Variants in NAV3 observed in about 807,000 individuals in gnomAD.
NAV3 encodes neuron navigator 3.
NAV3 carries 87 observed loss-of-function variants against 244.7 expected under a neutral mutation model. The observed-to-expected ratio is 0.36, with a 90% CI of 0.30 to 0.42. The LOEUF (loss-of-function observed/expected upper bound fraction) is 0.42, where lower values mean the gene tolerates loss of function less well. Ranked by LOEUF, NAV3 falls within the 20% of genes least tolerant of loss-of-function variation. NAV3 has a pLI of 1.00. For synonymous variants in NAV3, 1,126 were observed against 1,042.2 expected, an observed-to-expected ratio of 1.08 and a Z score of -1.55; for missense variants, 2,663 against 2,893.3, an observed-to-expected ratio of 0.92 and a Z score of 1.83.
intron 2 of NAV3, among the ~76,000 whole-genome samples, chr12:77,811,904 A>T (rs1320603595): frequency 1.3e-5 from 2 of 152,242 alleles, no homozygotes; most frequent in Admixed American, 6.5e-5. Context: ...AACTCAAACT[A>T]GTTCCCATTT....
chr12:77,636,996 G>A (rs762858230), intron 2 of NAV3, among the ~76,000 whole-genome samples: 3 of 151,958 alleles, frequency 2.0e-5, no homozygotes, highest in African/African-American at 2.4e-5. Context: ...GTTGGGGGGT[G>A]GGGTCTTAGG....
At chr12:77,740,340 C>T (rs1053146337) in intron 2 of NAV3, among the ~76,000 whole-genome samples, 7 of 151,720 alleles carry the variant, frequency 4.6e-5, no homozygotes, top group Admixed American at 2.6e-4. Context: ...TAGAAACAGC[C>T]ATCTAGAAAG....
At chr12:77,752,252 T>G (rs1868894971) in intron 2 of NAV3, among the ~76,000 whole-genome samples, 1 of 152,152 alleles carries the variant, frequency 6.6e-6, no homozygotes, top group Non-Finnish European at 1.5e-5. Context: ...CTGTCTTTGG[T>G]GTAAAACATA....
chr12:77,983,011 T>C (rs1869841260), intron 5 of NAV3, among the ~76,000 whole-genome samples: 1 of 152,170 alleles, frequency 6.6e-6, no homozygotes, highest in Admixed American at 6.5e-5. Flanking sequence ...GGAAGGATGA[T>C]CAATGAATTT....
chr12:77,859,758 C>CAAAAAAAAAAAAAAAAAAAAAA, intron 1 of NAV3, among the ~76,000 whole-genome samples: 1 of 68,722 alleles, frequency 1.5e-5, no homozygotes, highest in Non-Finnish European at 2.7e-5. Context: ...CTTTCAAATG[C>CAAAAAAAAAAAAAAAAAAAAAA]AAAAAAAAAA....
At chr12:78,051,270 G>A in intron 11 of NAV3, 123 bp downstream of exon 11, 2 of 1,109,416 alleles carry the variant, frequency 1.8e-6, no homozygotes, top group Non-Finnish European at 2.5e-6. Context: ...AGATATCTGA[G>A]GTTATTCAGA....
chr12:78,201,862 C>A (rs1025969261), intron 38 of NAV3, among the ~76,000 whole-genome samples: 2 of 151,850 alleles, frequency 1.3e-5, no homozygotes, highest in Admixed American at 6.6e-5. Context: ...AAAAAATTGT[C>A]CATCTATTTT....
intron 1 of NAV3, among the ~76,000 whole-genome samples, chr12:77,894,437 C>A (rs1158952972): frequency 1.3e-5 from 2 of 151,966 alleles, no homozygotes; most frequent in African/African-American, 4.8e-5. Flanking sequence ...GCAAAATAAG[C>A]CAGAAATCTG....
intron 2 of NAV3, among the ~76,000 whole-genome samples, chr12:77,795,914 A>G (rs1871386142): frequency 6.6e-6 from 1 of 152,194 alleles, no homozygotes; most frequent in African/African-American, 2.4e-5. Flanking sequence ...TTGGAAAGAA[A>G]AGAACATTTT....
chr12:77,620,113 C>T (rs1871309598), intron 2 of NAV3, among the ~76,000 whole-genome samples: 1 of 152,148 alleles, frequency 6.6e-6, no homozygotes, highest in Admixed American at 6.5e-5. Flanking sequence ...GGAAAGACTA[C>T]AAATGATGTA....
intron 1 of NAV3, among the ~76,000 whole-genome samples, chr12:77,925,511 C>G (rs1454955915): frequency 7.3e-6 from 1 of 136,680 alleles, no homozygotes; most frequent in African/African-American, 2.8e-5. Flanking sequence ...TGGTGCATTA[C>G]AAATGAAAGG....
chr12:78,179,884 T>C (rs764656892), intron 29 of NAV3, among the ~76,000 whole-genome samples: 1 of 152,136 alleles, frequency 6.6e-6, no homozygotes, highest in Non-Finnish European at 1.5e-5. Context: ...GAGTGCAAAC[T>C]GGCAAGTTGT....
At chr12:77,679,788 A>G (rs1420253064) in intron 2 of NAV3, among the ~76,000 whole-genome samples, 2 of 152,186 alleles carry the variant, frequency 1.3e-5, no homozygotes, top group Admixed American at 6.5e-5. Flanking sequence ...AAGAGCGATC[A>G]ACAGTGTCAA....
At chr12:77,875,997 C>T (rs1013894834) in intron 1 of NAV3, among the ~76,000 whole-genome samples, 2 of 151,862 alleles carry the variant, frequency 1.3e-5, no homozygotes, top group African/African-American at 2.4e-5. Context: ...TAGAATGACA[C>T]TGAAATTTGT....
chr12:78,111,733 T>A (rs967280583), intron 12 of NAV3, among the ~76,000 whole-genome samples: 27 of 152,096 alleles, frequency 1.8e-4, no homozygotes, highest in South Asian at 4.2e-4. Flanking sequence ...TTGGAAAAAA[T>A]TTTTTCCAGT....
intron 12 of NAV3, among the ~76,000 whole-genome samples, chr12:78,081,799 G>A (rs893500568): frequency 3.3e-5 from 5 of 152,034 alleles, no homozygotes; most frequent in African/African-American, 4.8e-5. Flanking sequence ...CCCTTTCCCC[G>A]GGCAGCTCAC....
chr12:77,992,637 A>C (rs1210168390), intron 5 of NAV3, among the ~76,000 whole-genome samples: 7 of 152,170 alleles, frequency 4.6e-5, no homozygotes, highest in Non-Finnish European at 8.8e-5. Flanking sequence ...TAATTTAAGG[A>C]GTAGAATATT....
intron 31 of NAV3, among the ~76,000 whole-genome samples, chr12:78,186,069 C>G (rs930068038): frequency 2.6e-5 from 4 of 151,772 alleles, no homozygotes; most frequent in Non-Finnish European, 4.4e-5. Context: ...GGTCTTTATA[C>G]AAAGGGAAGA....
intron 2 of NAV3, among the ~76,000 whole-genome samples, chr12:77,583,845 C>T (rs1869479435): frequency 6.6e-6 from 1 of 152,164 alleles, no homozygotes; most frequent in African/African-American, 2.4e-5. Context: ...TCCAACCTGT[C>T]TCCTGCCATT....
Sources: allele counts gnomAD v4.1 joint callset (sites outside exome capture counted in the v4.1 genomes callset), GRCh38; gene constraint gnomAD v4.1.1; transcripts MANE v1.5; gene names NCBI Gene and HGNC (gene_info 2026-07-23, HGNC 2026-07-21).